FSTL5: variants seen among roughly 807,000 people sequenced by gnomAD.
The protein encoded by FSTL5 is follistatin like 5, also known as follistatin-related protein 5.
FSTL5 carries 62 observed loss-of-function variants against 89.1 expected under a neutral mutation model. The ratio of observed to expected loss-of-function variants is 0.70; its 90% CI spans 0.57 to 0.86. The LOEUF is 0.86. FSTL5 is among the 40% of genes least tolerant of loss of function. The pLI, the probability that FSTL5 is intolerant of heterozygous loss-of-function variation, is 0.00. For missense variants in FSTL5, 1,057 were observed against 1,001.6 expected, an observed-to-expected ratio of 1.06 and a Z score of -0.75; for synonymous variants, 383 against 346.2, an observed-to-expected ratio of 1.11 and a Z score of -1.18.
chr4:161,755,530 T>TA (rs1236637313), intron 6 of FSTL5, among the ~76,000 whole-genome samples: 1 of 152,066 alleles, frequency 6.6e-6, no homozygotes, highest in African/African-American at 2.4e-5. Flanking sequence ...TGAATCATGA[T>TA]AGATTTCTAA....
intron 15 of FSTL5, 47 bp downstream of exon 15, chr4:161,454,957 A>G: frequency 1.3e-6 from 2 of 1,561,200 alleles, no homozygotes; most frequent in Non-Finnish European, 1.8e-6. Flanking sequence ...TTTCTATTAT[A>G]ATAGAGACAA....
chr4:161,682,975 G>A (rs1475905974), intron 6 of FSTL5, among the ~76,000 whole-genome samples: 1 of 152,060 alleles, frequency 6.6e-6, no homozygotes, highest in East Asian at 1.9e-4. Flanking sequence ...TCGAACTCCT[G>A]ACCTCGTGAT....
intron 6 of FSTL5, among the ~76,000 whole-genome samples, chr4:161,659,166 A>T (rs993802129): frequency 6.6e-6 from 1 of 152,168 alleles, no homozygotes; most frequent in African/African-American, 2.4e-5. Flanking sequence ...TGCACAGAAA[A>T]ACTTACTTTT....
At chr4:161,482,345 T>C (rs1293669745) in intron 12 of FSTL5, among the ~76,000 whole-genome samples, 1 of 152,130 alleles carries the variant, frequency 6.6e-6, no homozygotes, top group East Asian at 1.9e-4. Context: ...AGTAAAAATG[T>C]TATTTACATA....
intron 13 of FSTL5, among the ~76,000 whole-genome samples, chr4:161,461,980 G>A (rs913608294): frequency 1.3e-5 from 2 of 152,078 alleles, no homozygotes; most frequent in Non-Finnish European, 2.9e-5. Flanking sequence ...CTATATCAAA[G>A]GTCTGTAAGT....
At chr4:161,568,393 G>A (rs879270379) in intron 8 of FSTL5, among the ~76,000 whole-genome samples, 2 of 152,158 alleles carry the variant, frequency 1.3e-5, no homozygotes, top group Non-Finnish European at 2.9e-5. Flanking sequence ...TAGCTTCAGC[G>A]GGTAACTTAG....
intron 2 of FSTL5, among the ~76,000 whole-genome samples, chr4:162,046,075 T>C (rs529486655): frequency 6.6e-6 from 1 of 152,184 alleles, no homozygotes; most frequent in Non-Finnish European, 1.5e-5. Context: ...TTTCTTATTA[T>C]CATCTTGCCA....
chr4:161,569,799 A>ACACACACC (rs1458271316), intron 8 of FSTL5, among the ~76,000 whole-genome samples: 9 of 124,280 alleles, frequency 7.2e-5, no homozygotes, highest in African/African-American at 2.6e-4. Flanking sequence ...ACACACACAC[A>ACACACACC]CCCCACATTG....
At chr4:161,586,098 A>G (rs1033589440) in intron 8 of FSTL5, among the ~76,000 whole-genome samples, 1 of 152,168 alleles carries the variant, frequency 6.6e-6, no homozygotes, top group Non-Finnish European at 1.5e-5. Flanking sequence ...GATTTCCAGT[A>G]CACGTACTTC....
intron 4 of FSTL5, among the ~76,000 whole-genome samples, chr4:161,918,132 A>G (rs1435353530): frequency 6.6e-6 from 1 of 152,174 alleles, no homozygotes; most frequent in Non-Finnish European, 1.5e-5. Flanking sequence ...TATAAAATTA[A>G]TTTTAGCTAT....
At chr4:161,674,375 A>G (rs1399567721) in intron 6 of FSTL5, among the ~76,000 whole-genome samples, 1 of 152,190 alleles carries the variant, frequency 6.6e-6, no homozygotes, top group Non-Finnish European at 1.5e-5. Context: ...AGTTATGTAC[A>G]GAATAAAAGA....
intron 7 of FSTL5, among the ~76,000 whole-genome samples, chr4:161,592,178 T>C (rs1388734029): frequency 6.6e-6 from 1 of 152,158 alleles, no homozygotes. Context: ...AAAGACAACA[T>C]TGTGAAACAT....
intron 12 of FSTL5, among the ~76,000 whole-genome samples, chr4:161,494,753 T>C (rs1245978737): frequency 6.6e-6 from 1 of 152,122 alleles, no homozygotes; most frequent in African/African-American, 2.4e-5. Flanking sequence ...TCAGTATCAT[T>C]TAAGTTAGCA....
chr4:161,564,651 T>C (rs972635070), intron 8 of FSTL5, among the ~76,000 whole-genome samples: 2 of 151,632 alleles, frequency 1.3e-5, no homozygotes, highest in African/African-American at 4.8e-5. Context: ...CTTTTATTAA[T>C]ACATGATAAT....
chr4:161,399,610 T>A (rs1254430822), intron 15 of FSTL5, among the ~76,000 whole-genome samples: 1 of 152,092 alleles, frequency 6.6e-6, no homozygotes, highest in African/African-American at 2.4e-5. Context: ...CATTTCCACA[T>A]CACTTAGTGG....
intron 2 of FSTL5, among the ~76,000 whole-genome samples, chr4:162,090,445 C>T (rs1730499880): frequency 6.6e-6 from 1 of 152,038 alleles, no homozygotes. Flanking sequence ...ATAGACATTT[C>T]TCAAAAAAAG....
intron 2 of FSTL5, among the ~76,000 whole-genome samples, chr4:162,050,025 CA>C (rs993705549): frequency 6.7e-6 from 1 of 150,130 alleles, no homozygotes; most frequent in African/African-American, 2.4e-5. Context: ...GAACATATAT[CA>C]AAAAAGTTAA....
At chr4:161,437,967 A>T (rs1732628478) in intron 15 of FSTL5, among the ~76,000 whole-genome samples, 1 of 152,168 alleles carries the variant, frequency 6.6e-6, no homozygotes, top group Non-Finnish European at 1.5e-5. Flanking sequence ...TCCGAAGAGG[A>T]TGCTTTTGTC....
intron 6 of FSTL5, among the ~76,000 whole-genome samples, chr4:161,734,792 G>A (rs972367611): frequency 6.6e-6 from 1 of 152,100 alleles, no homozygotes; most frequent in Admixed American, 6.6e-5. Flanking sequence ...TGCACCAAGA[G>A]AGCAAGCAAC....
Sources: allele counts gnomAD v4.1 joint callset (sites outside exome capture counted in the v4.1 genomes callset), GRCh38; gene constraint gnomAD v4.1.1; transcripts MANE v1.5; gene names NCBI Gene and HGNC (gene_info 2026-07-23, HGNC 2026-07-21).